Variants in GRIA4 observed in about 807,000 individuals in gnomAD.
GRIA4 encodes glutamate ionotropic receptor AMPA type subunit 4.
Under a neutral mutation model 104.0 loss-of-function variants are expected in GRIA4, and 34 were observed. That is an observed-to-expected ratio of 0.33 (90% CI 0.25 to 0.44). The LOEUF is 0.44. Ranked by LOEUF, GRIA4 falls within the 20% of genes least tolerant of loss-of-function variation. GRIA4 has a pLI of 1.00. For synonymous variants in GRIA4, 386 were observed against 381.9 expected (o/e 1.01, Z -0.13); for missense variants, 750 against 1,096.5 (o/e 0.68, Z 4.46).
chr11:105,901,290 T>G (rs1295847653), intron 7 of GRIA4, among the ~76,000 whole-genome samples: 1 of 152,186 alleles, frequency 6.6e-6, no homozygotes, highest in Non-Finnish European at 1.5e-5. Context: ...CACATTCCCA[T>G]AAACCTGTGT....
At chr11:105,816,523 T>C (rs1306593639) in intron 4 of GRIA4, among the ~76,000 whole-genome samples, 2 of 152,178 alleles carry the variant, frequency 1.3e-5, no homozygotes, top group Non-Finnish European at 2.9e-5. Flanking sequence ...TGTAAGCTTC[T>C]AGAGGCCTCC....
chr11:105,761,262 T>A (rs557793581), intron 4 of GRIA4, among the ~76,000 whole-genome samples: 53 of 152,164 alleles, frequency 3.5e-4, no homozygotes, highest in South Asian at 4.1e-4. Flanking sequence ...GGTCTGTTTT[T>A]TCTTCTACTA....
chr11:105,653,984 G>A (rs1313535679), intron 3 of GRIA4, among the ~76,000 whole-genome samples: 1 of 58,392 alleles, frequency 1.7e-5, no homozygotes, highest in South Asian at 5.9e-4. Flanking sequence ...TATATGCAAC[G>A]GAACACTATT....
At chr11:105,744,459 C>T (rs1004302522) in intron 3 of GRIA4, among the ~76,000 whole-genome samples, 14 of 152,140 alleles carry the variant, frequency 9.2e-5, no homozygotes, top group South Asian at 6.2e-4. Flanking sequence ...ATTAGTTATC[C>T]GAGTTCAGAT....
At chr11:105,842,648 T>C (rs1021588651) in intron 4 of GRIA4, 11 of 152,192 alleles carry the variant, frequency 7.2e-5, no homozygotes, top group African/African-American at 2.4e-4. Flanking sequence ...GATCACGAGA[T>C]AATCATATCA....
intron 4 of GRIA4, among the ~76,000 whole-genome samples, chr11:105,848,371 C>A (rs888849650): frequency 6.6e-6 from 1 of 152,038 alleles, no homozygotes; most frequent in Admixed American, 6.6e-5. Flanking sequence ...AATAAATGTA[C>A]CTTCCTAATT....
At chr11:105,686,514 G>C (rs1418188864) in intron 3 of GRIA4, among the ~76,000 whole-genome samples, 1 of 152,164 alleles carries the variant, frequency 6.6e-6, no homozygotes, top group Non-Finnish European at 1.5e-5. Flanking sequence ...TTGCTATTGT[G>C]AATAGAGCTG....
intron 4 of GRIA4, among the ~76,000 whole-genome samples, chr11:105,792,840 A>T (rs530565871): frequency 6.6e-6 from 1 of 152,298 alleles, no homozygotes; most frequent in East Asian, 1.9e-4. Context: ...CAGACCCTAA[A>T]TGAGTATTTA....
At position 105,974,314 on chromosome 11, in the gene GRIA4, A is replaced by C. The variant is rs1443181762; in HGVS notation, c.2414A>C (p.Lys805Thr). The C allele has an allele frequency of 6.2e-7, 1 of 1,613,886 alleles. No homozygotes were observed. Among genetic ancestry groups the C allele is most frequent in the South Asian group, 1.1e-5 (1 of 91,078 alleles). Residue 805 changes from lysine to threonine, a missense_variant, in exon 16 of 17, where the codon AAG becomes ACG. Physicochemically the swap from Lys to Thr is moderately conservative, Grantham distance 78. Coordinates refer to ENST00000282499, the MANE Select transcript of GRIA4 (RefSeq NM_000829.4). ...AAGTGTCTTTATCCCCCCTAGGACA[A>C]GACGAGTGCCTTGAGCCTGAGCAAT... The part of the protein sequence containing the change: ...CGPKDSGSKD[K>T]TSALSLSNVA...
intron 14 of GRIA4, among the ~76,000 whole-genome samples, chr11:105,948,124 C>T (rs1053212451): frequency 1.3e-5 from 2 of 152,096 alleles, no homozygotes; most frequent in Admixed American, 1.3e-4. Flanking sequence ...GTTTGTAATC[C>T]CTATTTCTAT....
chr11:105,981,553 T>TCACACA lies in GRIA4; in HGVS notation c.*1847_*1852dup, dbSNP rs112786972. On this transcript the variant is annotated 3_prime_UTR_variant, in exon 17 of 17. Transcript: ENST00000282499. ...TAAGAGCAATCTTAAACAGTATAAA[T>TCACACA]CACACACACACACACACACACACAC... 65,535 of 133,772 alleles carry TCACACA rather than the reference T, an allele frequency of 0.49. 16,020 individuals are homozygous for TCACACA. Among genetic ancestry groups the TCACACA allele is most frequent in the South Asian group, 0.55 (2,123 of 3,850 alleles). The allele number at this position is 133,772 out of a possible 1,614,324, so 8.3% of individuals were successfully genotyped here.
intron 4 of GRIA4, among the ~76,000 whole-genome samples, chr11:105,854,703 A>G (rs1417400896): frequency 1.3e-5 from 2 of 152,150 alleles, no homozygotes; most frequent in Non-Finnish European, 2.9e-5. Context: ...ATGCTAAAAT[A>G]CGAGATGTGA....
chr11:105,826,399 C>T (rs988441364), intron 4 of GRIA4, among the ~76,000 whole-genome samples: 1 of 152,056 alleles, frequency 6.6e-6, no homozygotes, highest in Non-Finnish European at 1.5e-5. Context: ...AATGCCTCAT[C>T]TATGGTTTCC....
rs184845867 is a variant in GRIA4 at position 105,640,887 on chromosome 11, G to C, written c.247+28453G>C. Reference sequence around the variant, plus strand: ...TGTTTCTCAATATTCCATTTCCTTTGCTTATTCTTTGGTTTTCTATTCCTT... The same window carrying C: ...TGTTTCTCAATATTCCATTTCCTTTCCTTATTCTTTGGTTTTCTATTCCTT... On this transcript the variant is annotated intron_variant, in intron 3 of 16. Coordinates refer to ENST00000282499, the MANE Select transcript of GRIA4 (RefSeq NM_000829.4). Among the ~76,000 whole-genome samples, 1,011 of 151,698 alleles carry C rather than the reference G, an allele frequency of 6.7e-3. 8 individuals are homozygous for C. The highest frequency in any genetic ancestry group is 0.017 in the Middle Eastern group (5 of 286).
At chr11:105,671,242 C>A (rs534888585) in intron 3 of GRIA4, among the ~76,000 whole-genome samples, 1 of 152,246 alleles carries the variant, frequency 6.6e-6, no homozygotes, top group South Asian at 2.1e-4. Flanking sequence ...TGGGACCATT[C>A]TACCTACCAT....
At chr11:105,651,649 T>C (rs765082550) in intron 3 of GRIA4, among the ~76,000 whole-genome samples, 1 of 152,108 alleles carries the variant, frequency 6.6e-6, no homozygotes, top group Non-Finnish European at 1.5e-5. Context: ...AAATTGTTTA[T>C]GACACTGTGA....
chr11:105,686,569 T>A (rs535993795), intron 3 of GRIA4, among the ~76,000 whole-genome samples: 113 of 152,270 alleles, frequency 7.4e-4, no homozygotes, highest in African/African-American at 2.6e-3. Flanking sequence ...GAACAATTTG[T>A]TTTCTTTTGG....
chr11:105,864,104 C>T (rs1380306315), intron 5 of GRIA4, among the ~76,000 whole-genome samples: 3 of 152,004 alleles, frequency 2.0e-5, no homozygotes, highest in Non-Finnish European at 4.4e-5. Context: ...TTTAAAATGC[C>T]TCTCAGGTAT....
At chr11:105,842,892 A>G (rs1386838756) in intron 4 of GRIA4, 1 of 152,218 alleles carries the variant, frequency 6.6e-6, no homozygotes, top group East Asian at 1.9e-4. Flanking sequence ...AGAGAAAAAG[A>G]ACCAAATTTT....
Sources: allele counts gnomAD v4.1 joint callset (sites outside exome capture counted in the v4.1 genomes callset), GRCh38; gene constraint gnomAD v4.1.1; transcripts MANE v1.5; gene names NCBI Gene and HGNC (gene_info 2026-07-23, HGNC 2026-07-21).